Variants in TF observed in about 807,000 individuals in gnomAD.
The protein encoded by TF is serotransferrin.
Under a neutral mutation model 82.4 loss-of-function variants are expected in TF, and 55 were observed. The ratio of observed to expected loss-of-function variants is 0.67; its 90% CI spans 0.54 to 0.84. The LOEUF (loss-of-function observed/expected upper bound fraction) is 0.84. Among genes scored for constraint, TF ranks in the 40% least tolerant of loss-of-function variants. TF has a pLI of 0.00. For missense variants in TF, 737 were observed against 868.4 expected (o/e 0.85, Z 1.90); for synonymous variants, 332 against 332.6 (o/e 1.00, Z 0.02).
chr3:133,684,021 T>A, the TF span, among the ~76,000 whole-genome samples: 3 of 152,280 alleles, frequency 2.0e-5, no homozygotes, highest in East Asian at 5.8e-4. Flanking sequence ...CACAGTGCAA[T>A]CAAACTAGAA....
chr3:133,769,816 T>G (rs1387939269), intron 13 of TF, among the ~76,000 whole-genome samples: 1 of 152,192 alleles, frequency 6.6e-6, no homozygotes, highest in African/African-American at 2.4e-5. Context: ...TTCAAAGGAC[T>G]GGAAGACAGT....
upstream of TF, chr3:133,746,275 G>C (rs1933494384): frequency 1.2e-5 from 9 of 739,240 alleles, no homozygotes; most frequent in South Asian, 8.0e-5. Context: ...AGTAAGGAAG[G>C]GGGGTTGGGA....
chr3:133,744,576 C>G (rs149679558), upstream of TF, among the ~76,000 whole-genome samples: 32 of 152,346 alleles, frequency 2.1e-4, no homozygotes, highest in African/African-American at 7.5e-4. Context: ...CTCATGCTAA[C>G]AGTCTTCTTT....
At chr3:133,721,177 C>A in the TF span, among the ~76,000 whole-genome samples, 2 of 151,966 alleles carry the variant, frequency 1.3e-5, no homozygotes, top group Non-Finnish European at 2.9e-5. Flanking sequence ...CTTTGAGGTG[C>A]ACAGTTAGGT....
At chr3:133,690,163 A>G in the TF span, among the ~76,000 whole-genome samples, 1 of 151,876 alleles carries the variant, frequency 6.6e-6, no homozygotes, top group Non-Finnish European at 1.5e-5. Context: ...ATTTTAAACC[A>G]TGACAAAGAA....
At chr3:133,716,119 C>G in the TF span, among the ~76,000 whole-genome samples, 4 of 152,136 alleles carry the variant, frequency 2.6e-5, no homozygotes, top group African/African-American at 9.7e-5. Context: ...ACTTCCCCAG[C>G]CTCTACATGC....
intron 14 of TF, 25 bp from the exon 15 acceptor site, chr3:133,775,408 T>C (rs1474357325): frequency 1.9e-6 from 3 of 1,614,096 alleles, no homozygotes; most frequent in East Asian, 2.2e-5. Context: ...AGCCATCAGC[T>C]GAACCACCTT....
At chr3:133,737,485 TA>T in the TF span, among the ~76,000 whole-genome samples, 1 of 147,622 alleles carries the variant, frequency 6.8e-6, no homozygotes, top group African/African-American at 2.5e-5. Context: ...CTGTGGGAGG[TA>T]GAGACACACA....
chr3:133,770,803 G>C (rs1934240654), intron 14 of TF: 4 of 593,648 alleles, frequency 6.7e-6, no homozygotes, highest in Non-Finnish European at 1.2e-5. Context: ...CACTCCCACA[G>C]CTGCAAGCCT....
chr3:133,740,913 T>TG, the TF span, among the ~76,000 whole-genome samples: 1 of 148,976 alleles, frequency 6.7e-6, no homozygotes, highest in African/African-American at 2.5e-5. Context: ...TTTTCATGTT[T>TG]TTTTTTTTTT....
chr3:133,723,979 A>G, the TF span, among the ~76,000 whole-genome samples: 3 of 152,198 alleles, frequency 2.0e-5, no homozygotes, highest in Non-Finnish European at 4.4e-5. Context: ...TACAAAGGAC[A>G]TGAACTCATC....
At chr3:133,667,534 G>A in the TF span, among the ~76,000 whole-genome samples, 2 of 152,014 alleles carry the variant, frequency 1.3e-5, no homozygotes, top group African/African-American at 4.8e-5. Flanking sequence ...ACCCAAGCTA[G>A]GTAGGCACCA....
At chr3:133,754,053 G>GTACCACTCACATA (rs1933754604) in intron 3 of TF, 1 of 447,070 alleles carries the variant, frequency 2.2e-6, no homozygotes, top group East Asian at 4.7e-5. Flanking sequence ...CACACAGGAG[G>GTACCACTCACATA]GGTCACTCTG....
chr3:133,702,590 C>T, the TF span, among the ~76,000 whole-genome samples: 22 of 151,522 alleles, frequency 1.5e-4, no homozygotes, highest in Non-Finnish European at 2.5e-4. Flanking sequence ...AACTTCATCA[C>T]TCAGAGATTA....
At chr3:133,680,492 A>G in the TF span, among the ~76,000 whole-genome samples, 4 of 151,580 alleles carry the variant, frequency 2.6e-5, no homozygotes, top group South Asian at 4.2e-4. Context: ...GGCACACAGT[A>G]TGGCATCCAG....
Position 133,778,472 on chromosome 3 carries a change from G to A in TF, c.2063-114G>A, listed in dbSNP as rs1468995791. 3.9e-5 allele frequency: 44 copies of A among 1,129,738 alleles called. 1 individual carries two copies. The highest frequency in any genetic ancestry group is 1.3e-5 in the Non-Finnish European group (10 of 763,716). 70.0% of individuals were successfully genotyped at this position (1,129,738 alleles called of 1,614,324 possible). ...GGAGAACGGCCCAGTTCACAGAAGA[G>A]GAGGCAGCAAGTCTGCACACTTTGT... On this transcript the variant is annotated intron_variant, in intron 16 of 16. Coordinates refer to ENST00000402696, the MANE Select transcript of TF (RefSeq NM_001063.4).
chr3:133,667,714 C>G, the TF span, among the ~76,000 whole-genome samples: 3 of 152,188 alleles, frequency 2.0e-5, no homozygotes, highest in East Asian at 5.8e-4. Flanking sequence ...GCTTGAATTG[C>G]AACTTATCTG....
the TF span, among the ~76,000 whole-genome samples, chr3:133,679,569 C>CTTTTTTTTTTTTTTTTTTTTTTTT: frequency 5.3e-5 from 4 of 75,388 alleles, 1 homozygote; most frequent in Non-Finnish European, 9.5e-5. Context: ...CTTTGTTTGG[C>CTTTTTTTTTTTTTTTTTTTTTTTT]TTTTTTTTTT....
At chr3:133,674,037 T>A in the TF span, among the ~76,000 whole-genome samples, 12 of 152,152 alleles carry the variant, frequency 7.9e-5, no homozygotes, top group East Asian at 2.3e-3. Flanking sequence ...CCAGGAGTGG[T>A]CCATTCTCTC....
Sources: allele counts gnomAD v4.1 joint callset (sites outside exome capture counted in the v4.1 genomes callset), GRCh38; gene constraint gnomAD v4.1.1; transcripts MANE v1.5; gene names NCBI Gene and HGNC (gene_info 2026-07-23, HGNC 2026-07-21).